The following VPS13B variants were observed in gnomAD, a reference collection of about 807,000 sequenced individuals.
The protein encoded by VPS13B is vacuolar protein sorting 13 homolog B.
In VPS13B, 285 loss-of-function variants were observed where a neutral mutation model predicts 426.4. That is an observed-to-expected ratio of 0.67 (90% CI 0.61 to 0.74). VPS13B has a LOEUF of 0.74. VPS13B is among the 30% of genes least tolerant of loss of function. The probability of loss-of-function intolerance (pLI) is 0.00; values close to 1 mark genes in which losing one functional copy is unlikely to be tolerated. For missense variants in VPS13B, 4,537 were observed against 4,782.6 expected (o/e 0.95, Z 1.51); for synonymous variants, 1,676 against 1,676.4 (o/e 1.00, Z 0.01).
chr8:99,809,187 CTA>C (rs1385223319), intron 43 of VPS13B, among the ~76,000 whole-genome samples, 186 bp from the exon 44 acceptor site: 1 of 152,154 alleles, frequency 6.6e-6, no homozygotes, highest in Non-Finnish European at 1.5e-5. Context: ...CACATTGACT[CTA>C]TGTGACATAT....
chr8:99,788,481 T>C (rs1032587500), intron 43 of VPS13B, among the ~76,000 whole-genome samples: 2 of 150,104 alleles, frequency 1.3e-5, no homozygotes, highest in Non-Finnish European at 3.0e-5. Context: ...GAGTGACACA[T>C]AGTGACAAAA....
At position 99,097,156 on chromosome 8, in the gene VPS13B, A is replaced by G. The variant is rs181033939; in HGVS notation, c.412+724A>G. ...TTCCACATTCCTGAAGTGGGAGCAC[A>G]AATTATTGATGGATAGCTAGCTTCT... On this transcript the variant is annotated intron_variant, in intron 4 of 61. Coordinates refer to ENST00000357162, the MANE Select transcript of VPS13B (RefSeq NM_152564.5). 1.7e-4 allele frequency among the ~76,000 whole-genome samples: 26 copies of G among 152,328 alleles called. No homozygotes were observed. In the East Asian group the frequency reaches 4.8e-3, roughly 28 times the overall value.
intron 21 of VPS13B, among the ~76,000 whole-genome samples, chr8:99,410,110 CTG>C (rs1256628529): frequency 6.6e-6 from 1 of 152,140 alleles, no homozygotes; most frequent in Non-Finnish European, 1.5e-5. Context: ...CAAAAACCAA[CTG>C]TATCTCTAAA....
At chr8:99,562,320 A>T (rs1824969916) in intron 31 of VPS13B, among the ~76,000 whole-genome samples, 1 of 136,524 alleles carries the variant, frequency 7.3e-6, no homozygotes. Context: ...TTGCTTTGTC[A>T]CCCAGGTTGG....
intron 33 of VPS13B, among the ~76,000 whole-genome samples, chr8:99,634,758 C>G (rs891467111): frequency 4.6e-5 from 7 of 151,762 alleles, no homozygotes; most frequent in Admixed American, 2.0e-4. Context: ...ATTGGTGACA[C>G]TAAAGGAGAC....
chr8:99,721,043 T>C lies in VPS13B; in HGVS notation c.7046T>C (p.Leu2349Pro), dbSNP rs1455692905. 1 of 1,613,964 alleles carries C rather than the reference T, an allele frequency of 6.2e-7. No homozygotes were observed. The highest frequency in any genetic ancestry group is 2.2e-5 in the East Asian group (1 of 44,860). Residue 2349 changes from leucine to proline, a missense_variant, in exon 39 of 62, where the codon CTA (leucine) becomes CCA (proline). This residue lies in a region of VPS13B where 4,311 missense variants were observed against 4,474.3 expected (regional missense o/e 0.96). Transcript: ENST00000357162. ...DISTADLGDV[L>P]QVPCSLEYWD... ...AGCACAGCAGACCTTGGTGATGTGC[T>C]ACAGGTATGTAATGACCATTCATTG...
chr8:99,476,968 A>G (rs1819726616), intron 24 of VPS13B, among the ~76,000 whole-genome samples: 1 of 152,052 alleles, frequency 6.6e-6, no homozygotes, highest in African/African-American at 2.4e-5. Context: ...CTTTTTTCAC[A>G]TGTTTATTTT....
chr8:99,268,592 T>A (rs370907972), intron 17 of VPS13B, among the ~76,000 whole-genome samples: 20 of 152,244 alleles, frequency 1.3e-4, no homozygotes, highest in Middle Eastern at 3.4e-3. Flanking sequence ...TTTTGGCCAA[T>A]TTCTCCCATT....
chr8:99,777,843 C>T (rs999971246), intron 41 of VPS13B, among the ~76,000 whole-genome samples: 4 of 152,162 alleles, frequency 2.6e-5, no homozygotes, highest in African/African-American at 9.7e-5. Flanking sequence ...TCAATATGCT[C>T]TGTACCAAAC....
Position 99,378,145 on chromosome 8 carries a change from C to G in VPS13B, c.2825-6063C>G, listed in dbSNP as rs1310808091. Among the ~76,000 whole-genome samples the G allele has an allele frequency of 2.8e-5, 4 of 141,928 alleles. 1 individual carries two copies. The highest frequency in any genetic ancestry group is 2.2e-4 in the East Asian group (1 of 4,454). 93.1% of individuals were successfully genotyped at this position (141,928 alleles called of 152,430 possible). A position where few individuals can be genotyped will look rare whatever the true frequency, so the allele number is the denominator to read the frequency against. ...GCGGCCATTTTAGAGCCCCCCCCCC[C>G]CGGAATGCATTCTTTTCCCAAGGCT... On this transcript the variant is annotated intron_variant, in intron 19 of 61. Transcript: ENST00000357162.
intron 2 of VPS13B, among the ~76,000 whole-genome samples, chr8:99,016,046 T>G (rs556669451): frequency 2.0e-4 from 31 of 152,252 alleles, no homozygotes; most frequent in Non-Finnish European, 4.0e-4. Context: ...CTTTCTAAGA[T>G]TAACCCATGT....
intron 19 of VPS13B, among the ~76,000 whole-genome samples, chr8:99,326,730 G>A (rs1275929603): frequency 6.6e-6 from 1 of 151,790 alleles, no homozygotes; most frequent in Non-Finnish European, 1.5e-5. Context: ...TCATGTATTT[G>A]TTAGTCTCCT....
At chr8:99,778,531 A>G (rs1001584961) in intron 41 of VPS13B, 151 bp from the exon 42 acceptor site, 4 of 745,318 alleles carry the variant, frequency 5.4e-6, no homozygotes, top group Non-Finnish European at 9.1e-6. Context: ...CAAAGATTAT[A>G]ATATCTTCAA....
In VPS13B at chr8:99,083,633, C is replaced by T. The variant is rs1278828715; in HGVS notation, c.292-12679C>T. On this transcript the variant is annotated intron_variant, in intron 3 of 61. Coordinates refer to ENST00000357162, the MANE Select transcript of VPS13B (RefSeq NM_152564.5). ...CTTATTATTTTGAGATATGTCCCAT[C>T]GATACATAATTTATTGAGAGTTTTT... 7.1e-4 allele frequency among the ~76,000 whole-genome samples: 96 copies of T among 136,078 alleles called. 1 individual carries two copies. The highest frequency in any genetic ancestry group is 1.2e-3 in the Admixed American group (15 of 12,770). 89.3% of individuals were successfully genotyped at this position (136,078 alleles called of 152,430 possible).
chr8:99,412,185 G>A (rs1034552405), intron 21 of VPS13B, among the ~76,000 whole-genome samples: 5 of 151,936 alleles, frequency 3.3e-5, no homozygotes, highest in African/African-American at 1.2e-4. Context: ...CCATGAGTAT[G>A]GAATGTTTTT....
intron 31 of VPS13B, among the ~76,000 whole-genome samples, chr8:99,567,097 T>C (rs921084233): frequency 8.5e-5 from 13 of 152,290 alleles, no homozygotes; most frequent in Middle Eastern, 3.4e-3. Flanking sequence ...TTAAAAAATC[T>C]CCTGACCTTC....
intron 19 of VPS13B, among the ~76,000 whole-genome samples, chr8:99,291,537 G>C (rs1046055119): frequency 6.6e-6 from 1 of 152,002 alleles, no homozygotes; most frequent in Non-Finnish European, 1.5e-5. Flanking sequence ...TCTAGAGGCT[G>C]GTATAGAAAG....
chr8:99,714,532 ATACT>A (rs1832834041), intron 36 of VPS13B, among the ~76,000 whole-genome samples: 1 of 152,204 alleles, frequency 6.6e-6, no homozygotes, highest in Non-Finnish European at 1.5e-5. Flanking sequence ...CCCCACAAAA[ATACT>A]TATTTACAAG....
At chr8:99,416,264 C>G (rs2133370209) in intron 21 of VPS13B, among the ~76,000 whole-genome samples, 1 of 152,198 alleles carries the variant, frequency 6.6e-6, no homozygotes, top group South Asian at 2.1e-4. Flanking sequence ...ATGCCCCCGC[C>G]CCCCCACCAA....
Sources: gnomAD v4.1 joint callset for allele counts (sites outside exome capture counted in the v4.1 genomes callset) on GRCh38, gnomAD v4.1.1 for gene constraint, gnomAD v4.1.1 regional missense constraint, MANE v1.5 for transcripts, NCBI Gene and HGNC (gene_info 2026-07-23, HGNC 2026-07-21) for gene names.